The following SH3PXD2A variants were observed in gnomAD, a reference collection of about 807,000 sequenced individuals.
SH3PXD2A encodes SH3 and PX domain-containing protein 2A.
Under a neutral mutation model 115.2 loss-of-function variants are expected in SH3PXD2A, and 32 were observed. The ratio of observed to expected loss-of-function variants is 0.28; its 90% CI spans 0.21 to 0.37. SH3PXD2A has a LOEUF of 0.37. Among genes scored for constraint, SH3PXD2A ranks in the 10% least tolerant of loss-of-function variants. The pLI, the probability that SH3PXD2A is intolerant of heterozygous loss-of-function variation, is 1.00. For synonymous variants in SH3PXD2A, 610 were observed against 629.1 expected (o/e 0.97, Z 0.45); for missense variants, 1,328 against 1,498.7 (o/e 0.89, Z 1.88).
intron 5 of SH3PXD2A, among the ~76,000 whole-genome samples, chr10:103,711,231 T>G (rs2038042862): frequency 6.6e-6 from 1 of 152,236 alleles, no homozygotes; most frequent in Admixed American, 6.5e-5. Context: ...ATGCACTTTC[T>G]GCTAAACAGC....
intron 3 of SH3PXD2A, among the ~76,000 whole-genome samples, chr10:103,765,923 C>T (rs1011282880): frequency 2.0e-5 from 3 of 152,196 alleles, no homozygotes; most frequent in African/African-American, 7.2e-5. Flanking sequence ...GGCCGAGAGT[C>T]CCTACACCCT....
At chr10:103,829,408 G>A (rs1431323462) in intron 1 of SH3PXD2A, among the ~76,000 whole-genome samples, 3 of 152,152 alleles carry the variant, frequency 2.0e-5, no homozygotes, top group East Asian at 1.9e-4. Flanking sequence ...CAATAAAGGC[G>A]ACTAAAATGA....
At chr10:103,787,250 C>T (rs1419521859) in intron 2 of SH3PXD2A, among the ~76,000 whole-genome samples, 1 of 152,218 alleles carries the variant, frequency 6.6e-6, no homozygotes, top group Non-Finnish European at 1.5e-5. Context: ...TGGCTCCAGC[C>T]CGCACCCTGG....
At chr10:103,747,591 A>C (rs546663386) in intron 3 of SH3PXD2A, among the ~76,000 whole-genome samples, 3 of 152,122 alleles carry the variant, frequency 2.0e-5, no homozygotes, top group Non-Finnish European at 4.4e-5. Flanking sequence ...CCAGATGAGG[A>C]GGCTGTGGGG....
rs1183518394 is a variant in SH3PXD2A at position 103,665,528 on chromosome 10, C to T, written c.472+3080G>A. ...CTCCAAAGGCTGTGGGATGGACACACGGACACTCTGTCCTTCTGGCTGCCC... is the reference window on the plus strand; with the variant it reads ...CTCCAAAGGCTGTGGGATGGACACATGGACACTCTGTCCTTCTGGCTGCCC... On this transcript the variant is annotated intron_variant, in intron 7 of 14. Coordinates refer to ENST00000369774, the MANE Select transcript of SH3PXD2A (RefSeq NM_001394015.1). This position sits in a 1 kb window ranked among gnomAD's most constrained non-coding sequence, Gnocchi z 4.0. 1.3e-5 allele frequency among the ~76,000 whole-genome samples: 2 copies of T among 152,230 alleles called. No homozygotes were observed. The highest frequency in any genetic ancestry group is 2.1e-4 in the South Asian group (1 of 4,834).
At chr10:103,745,177 C>T (rs957251495) in intron 3 of SH3PXD2A, among the ~76,000 whole-genome samples, 1 of 152,202 alleles carries the variant, frequency 6.6e-6, no homozygotes, top group Non-Finnish European at 1.5e-5. Flanking sequence ...TCTCTGTTAC[C>T]ACCTGGGGGA....
At position 103,599,430 on chromosome 10, in the gene SH3PXD2A, C is replaced by G. The variant is rs1001719277; in HGVS notation, c.*2386G>C. 1 of 152,696 alleles carries G rather than the reference C, an allele frequency of 6.5e-6. No homozygotes were observed. The highest frequency in any genetic ancestry group is 1.5e-5 in the Non-Finnish European group (1 of 68,086). 9.5% of individuals were successfully genotyped at this position (152,696 alleles called of 1,614,324 possible). ...CCTGGCTGGCGCACTAGTGACTGAACTGGCTCAGTGCAGACATCTGAGGAG... is the reference window on the plus strand; with the variant it reads ...CCTGGCTGGCGCACTAGTGACTGAAGTGGCTCAGTGCAGACATCTGAGGAG... On this transcript the variant is annotated 3_prime_UTR_variant, in exon 15 of 15. Transcript: ENST00000369774.
At chr10:103,845,479 G>C (rs2134323097) in intron 1 of SH3PXD2A, among the ~76,000 whole-genome samples, 1 of 152,220 alleles carries the variant, frequency 6.6e-6, no homozygotes, top group African/African-American at 2.4e-5. Context: ...CCAGCACCAT[G>C]ACAGTTTACA....
intron 3 of SH3PXD2A, among the ~76,000 whole-genome samples, chr10:103,737,799 G>A (rs1368849952): frequency 1.3e-5 from 2 of 152,180 alleles, no homozygotes; most frequent in African/African-American, 4.8e-5. Context: ...TGAACAGACA[G>A]GGGACCCAGG....
Position 103,613,151 on chromosome 10 carries a change from C to A in SH3PXD2A, c.960G>T (p.Leu320=). Residue 320 remains leucine, a synonymous_variant, in exon 12 of 15, where the codon CTG becomes CTT. Coordinates refer to ENST00000369774, the MANE Select transcript of SH3PXD2A (RefSeq NM_001394015.1). ...GKEGWAPASY[L]KKAKDDLPTR... ...TTGGCAGGTCATCCTTGGCCTTCTT[C>A]AGGTAGGATGCTGGCGCCCAGCCCT... 1.2e-6 allele frequency: 2 copies of A among 1,611,098 alleles called. No individual in the cohort carries two copies. Among genetic ancestry groups the A allele is most frequent in the Non-Finnish European group, 1.7e-6 (2 of 1,178,932 alleles).
intron 1 of SH3PXD2A, among the ~76,000 whole-genome samples, chr10:103,851,710 CG>C (rs1428481405): frequency 6.6e-6 from 1 of 152,150 alleles, no homozygotes; most frequent in Non-Finnish European, 1.5e-5. Flanking sequence ...CACGAAAACA[CG>C]AGTGTTAAGT....
chr10:103,784,426 T>TGTA lies in SH3PXD2A; in HGVS notation c.153+16853_153+16855dup, dbSNP rs146142951. Among the ~76,000 whole-genome samples, 64 of 152,328 alleles carry TGTA rather than the reference T, an allele frequency of 4.2e-4. No homozygotes were observed. The East Asian group carries it at 0.011, about 26-fold the overall frequency. On this transcript the variant is annotated intron_variant, in intron 2 of 14. Transcript: ENST00000369774. The surrounding 1 kb of genome is among the most constrained non-coding windows in gnomAD (Gnocchi z 4.4). ...CAGACCCAAGGCAGGAGGAAGGGAA[T>TGTA]GTAGCATTGACCAGACACCTCTTCT...
chr10:103,735,733 C>T lies in SH3PXD2A; in HGVS notation c.305G>A (p.Arg102Gln), dbSNP rs143409187. The change falls in exon 4 of 15, where the codon CGG (arginine) becomes CAG (glutamine). Residue 102 changes from arginine to glutamine, a missense_variant and splice_region_variant. By Grantham distance (43) the Arg-to-Gln change is conservative (BLOSUM62 1). Transcript: ENST00000369774. Reference sequence around the variant, plus strand: ...CCCCAGCCCCAGATACACTCTCACCCGGCAGTATTCATCGATGGGCTTCAG... The same window carrying T: ...CCCCAGCCCCAGATACACTCTCACCTGGCAGTATTCATCGATGGGCTTCAG... ...KRLKPIDEYC[R>Q]ALVRLPPHIS... 1,160 of 1,611,340 alleles carry T rather than the reference C, an allele frequency of 7.2e-4. 6 individuals carry two copies. The highest frequency in any genetic ancestry group is 1.3e-3 in the Admixed American group (77 of 60,018).
intron 4 of SH3PXD2A, among the ~76,000 whole-genome samples, chr10:103,732,316 G>C (rs963301287): frequency 1.3e-5 from 2 of 152,144 alleles, no homozygotes; most frequent in African/African-American, 4.8e-5. Flanking sequence ...GACTTGTTGA[G>C]GTCTCAGACC....
At chr10:103,748,859 C>A (rs941940385) in intron 3 of SH3PXD2A, among the ~76,000 whole-genome samples, 1 of 152,112 alleles carries the variant, frequency 6.6e-6, no homozygotes, top group East Asian at 1.9e-4. Flanking sequence ...TTCAGAAATG[C>A]CTGAGTTCCT....
intron 1 of SH3PXD2A, among the ~76,000 whole-genome samples, chr10:103,813,295 C>T (rs141613654): frequency 2.2e-4 from 33 of 152,190 alleles, no homozygotes; most frequent in African/African-American, 7.2e-4. Flanking sequence ...AACAGTTTTG[C>T]TTTCTACTTT....
In SH3PXD2A at chr10:103,695,670, G is replaced by A. The variant is rs2037816464; in HGVS notation, c.399-2614C>T. Among the ~76,000 whole-genome samples, 3 of 152,184 alleles carry A rather than the reference G, an allele frequency of 2.0e-5. 1 individual carries two copies. In the South Asian group the frequency reaches 6.2e-4, roughly 32 times the overall value. On this transcript the variant is annotated intron_variant, in intron 5 of 14. Coordinates refer to ENST00000369774, the MANE Select transcript of SH3PXD2A (RefSeq NM_001394015.1). ...ATGCAGGGCCCCACCCCAACCTACTGCATGGTCTGCATCTCCAACAAACTC... is the reference window on the plus strand; with the variant it reads ...ATGCAGGGCCCCACCCCAACCTACTACATGGTCTGCATCTCCAACAAACTC...
chr10:103,689,710 G>A (rs2037723244), intron 6 of SH3PXD2A, among the ~76,000 whole-genome samples: 1 of 152,146 alleles, frequency 6.6e-6, no homozygotes, highest in African/African-American at 2.4e-5. Flanking sequence ...TGTTGGGCTT[G>A]AGCAATGGGG....
intron 3 of SH3PXD2A, among the ~76,000 whole-genome samples, chr10:103,742,969 G>A (rs534614432): frequency 3.9e-5 from 6 of 152,186 alleles, no homozygotes; most frequent in Non-Finnish European, 7.4e-5. Context: ...AGGGTGACAC[G>A]CATGCTCGTG....
Sources: allele counts gnomAD v4.1 joint callset (sites outside exome capture counted in the v4.1 genomes callset), GRCh38; gene constraint gnomAD v4.1.1; non-coding constraint Gnocchi (gnomAD v3.1); transcripts MANE v1.5; gene names NCBI Gene and HGNC (gene_info 2026-07-23, HGNC 2026-07-21).